The following AHNAK variants were observed in gnomAD, a reference collection of about 807,000 sequenced individuals.
AHNAK encodes the protein AHNAK nucleoprotein, also known as neuroblast differentiation-associated protein AHNAK.
In AHNAK, 23 loss-of-function variants were observed where a neutral mutation model predicts 37.8. The observed-to-expected ratio is 0.61, with a 90% confidence interval of 0.44 to 0.86. AHNAK has a LOEUF of 0.86. Ranked by LOEUF, AHNAK falls within the 40% of genes least tolerant of loss-of-function variation. The probability of loss-of-function intolerance (pLI) is 0.00; values close to 1 mark genes in which losing one functional copy is unlikely to be tolerated. For missense variants in AHNAK, 7,411 were observed against 7,319.4 expected, an observed-to-expected ratio of 1.01 and a Z score of -0.46; for synonymous variants, 2,481 against 2,636.3, an observed-to-expected ratio of 0.94 and a Z score of 1.80.
At chr11:62,508,175 A>G (rs1458325735) in intron 4 of AHNAK, among the ~76,000 whole-genome samples, 1 of 152,230 alleles carries the variant, frequency 6.6e-6, no homozygotes, top group Non-Finnish European at 1.5e-5. Flanking sequence ...GCAAATTTCA[A>G]GAGGCATCCT....
rs775210956 is a variant in AHNAK at position 62,522,276 on chromosome 11, T to C, written c.12141A>G (p.Pro4047=). 1.9e-6 allele frequency: 3 copies of C among 1,612,918 alleles called. No homozygotes were observed. The highest frequency in any genetic ancestry group is 1.3e-5 in the African/African-American group (1 of 74,480). The stretch of plus-strand genomic sequence containing the variant: ...AGTCTGGGCCATGAACATCCACATC[T>C]GGGGCATCAATGTCCACTTTGGGGC... ...IKGPKVDIDA[P]DVDVHGPDWH... is the part of the protein sequence containing the mutation. Residue 4047 remains proline (P), a synonymous_variant, in exon 5 of 5, where the codon CCA becomes CCG. Transcript: ENST00000378024.
At chr11:62,541,474 A>G (rs528525292) in intron 1 of AHNAK, among the ~76,000 whole-genome samples, 3 of 152,332 alleles carry the variant, frequency 2.0e-5, no homozygotes, top group Admixed American at 1.3e-4. Context: ...AGCCCCCAAC[A>G]TTCGGAACCA....
intron 5 of AHNAK, among the ~76,000 whole-genome samples, chr11:62,456,804 T>C (rs1461372389): frequency 6.6e-6 from 1 of 152,150 alleles, no homozygotes; most frequent in Non-Finnish European, 1.5e-5. Flanking sequence ...TACGGCTGAG[T>C]CTGGAGCAGG....
chr11:62,503,336 C>A (rs1022044786), intron 4 of AHNAK, among the ~76,000 whole-genome samples: 1 of 152,214 alleles, frequency 6.6e-6, no homozygotes, highest in Non-Finnish European at 1.5e-5. Flanking sequence ...CGCCTGTAAT[C>A]CCAGCACTTT....
intron 5 of AHNAK, among the ~76,000 whole-genome samples, chr11:62,462,859 G>A (rs1361992724): frequency 3.9e-5 from 6 of 152,086 alleles, no homozygotes; most frequent in Admixed American, 6.6e-5. Context: ...GGCCGGGTGC[G>A]GTGGCTCACG....
intron 5 of AHNAK, among the ~76,000 whole-genome samples, chr11:62,476,548 C>T (rs889835224): frequency 6.6e-6 from 1 of 152,108 alleles, no homozygotes; most frequent in East Asian, 1.9e-4. Context: ...GGACATTGGA[C>T]GGTCGTTCAG....
chr11:62,529,219 T>A lies in AHNAK; in HGVS notation c.5198A>T (p.Asp1733Val), dbSNP rs1165002803. 14 of 1,614,178 alleles carry A rather than the reference T, an allele frequency of 8.7e-6. No individual in the cohort carries two copies. Among genetic ancestry groups the A allele is most frequent in the Non-Finnish European group, 1.2e-5 (14 of 1,180,036 alleles). Residue 1733 changes from aspartate (D) to valine (V), a missense_variant, in exon 5 of 5, where the codon GAT becomes GTT. Transcript: ENST00000378024. ...PGFKAEGPEVDVNLPKADIDV... is the reference protein window; with the variant it reads ...PGFKAEGPEVVVNLPKADIDV... ...AATGTCAGCCTTTGGCAGATTCACA[T>A]CCACTTCAGGGCCCTCTGCTTTGAA...
rs887619833 is a variant in AHNAK at position 62,451,154 on chromosome 11, C to T, written c.443-17263G>A. Among the ~76,000 whole-genome samples, 2 of 150,584 alleles carry T rather than the reference C, an allele frequency of 1.3e-5. 1 individual carries two copies. Among genetic ancestry groups the T allele is most frequent in the African/African-American group, 4.9e-5 (2 of 41,154 alleles). The stretch of plus-strand genomic sequence containing the variant: ...AGAGTGCAGTGGTACAATCTCAGCT[C>T]ACTGCAACTTCCGCCTCCTGGCTTC... On this transcript the variant is annotated intron_variant, in intron 5 of 5. Coordinates refer to the AHNAK transcript ENST00000257247.
At chr11:62,438,028 C>G (rs1302173060) in intron 5 of AHNAK, among the ~76,000 whole-genome samples, 1 of 152,064 alleles carries the variant, frequency 6.6e-6, no homozygotes, top group African/African-American at 2.4e-5. Flanking sequence ...TCCCAAATAA[C>G]TGGGACTACA....
In AHNAK at chr11:62,523,846, C is replaced by T; in HGVS notation, c.10571G>A (p.Gly3524Glu). 1.2e-6 allele frequency: 2 copies of T among 1,614,104 alleles called. No individual in the cohort carries two copies. The highest frequency in any genetic ancestry group is 1.7e-6 in the Non-Finnish European group (2 of 1,180,012). ...GPDLNVEGPE[G>E]GLKGPKFKMP... is the part of the protein sequence containing the mutation. The stretch of plus-strand genomic sequence containing the variant: ...CTTGAATTTGGGACCTTTCAAGCCT[C>T]CCTCCGGACCTTCCACATTGAGATC... The change falls in exon 5 of 5, where the codon GGA becomes GAA. Residue 3524 changes from glycine to glutamate, a missense_variant. By Grantham distance (98) the Gly-to-Glu change is moderately conservative. Transcript: ENST00000378024.
intron 5 of AHNAK, among the ~76,000 whole-genome samples, chr11:62,467,268 A>T (rs1938932312): frequency 6.6e-6 from 1 of 151,976 alleles, no homozygotes; most frequent in Non-Finnish European, 1.5e-5. Context: ...ATATAATTGT[A>T]CTTCTTTAAA....
chr11:62,473,474 C>CCA (rs1939082477), intron 5 of AHNAK, among the ~76,000 whole-genome samples: 1 of 149,056 alleles, frequency 6.7e-6, no homozygotes, highest in African/African-American at 2.5e-5. Context: ...GGCGGGTGGA[C>CCA]CACAAGGTCA....
Position 62,532,191 on chromosome 11 carries a change from G to C in AHNAK, c.2226C>G (p.Gly742=). Residue 742 remains glycine, a synonymous_variant, in exon 5 of 5, where the codon GGC becomes GGG. Transcript: ENST00000378024. ...TGGGCATCTTCAAGTGCCAGTCTGG[G>C]CCATGAACATCCACATCTGGGGCAT... ...DIDAPDVDVH[G]PDWHLKMPKM... 1.2e-6 allele frequency: 2 copies of C among 1,614,072 alleles called. No homozygotes were observed. Among genetic ancestry groups the C allele is most frequent in the Non-Finnish European group, 1.7e-6 (2 of 1,180,016 alleles).
In AHNAK at chr11:62,535,933, G is replaced by A. The variant is rs1940931461; in HGVS notation, c.154+12C>T. ...ACCACCAGCACCCAGTCCACACCCTGGGGTGACTCACCCTCCTTGACCACC... is the reference window on the plus strand; with the variant it reads ...ACCACCAGCACCCAGTCCACACCCTAGGGTGACTCACCCTCCTTGACCACC... On this transcript the variant is annotated intron_variant, in intron 3 of 4. Coordinates refer to ENST00000378024, the MANE Select transcript of AHNAK (RefSeq NM_001620.3). The A allele has an allele frequency of 8.1e-6, 13 of 1,606,398 alleles. No individual in the cohort carries two copies. In the East Asian group the frequency reaches 2.7e-4, roughly 33 times the overall value.
chr11:62,438,192 T>C (rs1164272447), intron 5 of AHNAK, among the ~76,000 whole-genome samples: 1 of 126,982 alleles, frequency 7.9e-6, no homozygotes, highest in Admixed American at 9.3e-5. Context: ...TTTTTTTTTT[T>C]TTTTTTCCTG....
At chr11:62,506,044 G>C (rs1939806647) in intron 4 of AHNAK, among the ~76,000 whole-genome samples, 2 of 147,696 alleles carry the variant, frequency 1.4e-5, no homozygotes, top group Non-Finnish European at 3.0e-5. Flanking sequence ...AAAGGCGGGG[G>C]TGGGGGGATG....
intron 5 of AHNAK, among the ~76,000 whole-genome samples, chr11:62,466,565 T>C (rs1938917168): frequency 6.6e-6 from 1 of 151,252 alleles, no homozygotes; most frequent in Non-Finnish European, 1.5e-5. Context: ...GTCCAAAAAC[T>C]TAGAAGTCAT....
In AHNAK at chr11:62,521,708, C is replaced by A. The variant is rs764374909; in HGVS notation, c.12709G>T (p.Asp4237Tyr). The change falls in exon 5 of 5, where the codon GAT becomes TAT. Residue 4237 changes from aspartate to tyrosine, a missense_variant. Coordinates refer to ENST00000378024, the MANE Select transcript of AHNAK (RefSeq NM_001620.3). ...AATTTAGGGCCCTTTAGTTTCGCATCTGGACCTTCGATATTCACATCAGGA... is the reference window on the plus strand; with the variant it reads ...AATTTAGGGCCCTTTAGTTTCGCATATGGACCTTCGATATTCACATCAGGA... ...DVPDVNIEGP[D>Y]AKLKGPKFKM... The A allele has an allele frequency of 2.5e-6, 4 of 1,614,120 alleles. No individual in the cohort carries two copies. Among genetic ancestry groups the A allele is most frequent in the Non-Finnish European group, 3.4e-6 (4 of 1,180,034 alleles).
chr11:62,477,527 A>G (rs113394847), intron 5 of AHNAK, among the ~76,000 whole-genome samples: 49 of 152,316 alleles, frequency 3.2e-4, no homozygotes, highest in African/African-American at 1.1e-3. Context: ...GTTATAGGGC[A>G]AGTGCCGTGG....
Sources: allele counts gnomAD v4.1 joint callset (sites outside exome capture counted in the v4.1 genomes callset), GRCh38; gene constraint gnomAD v4.1.1; transcripts MANE v1.5; gene names NCBI Gene and HGNC (gene_info 2026-07-23, HGNC 2026-07-21).